The following BACH2 variants were observed in gnomAD, a reference collection of about 807,000 sequenced individuals.
The protein encoded by BACH2 is transcription regulator protein BACH2.
Under a neutral mutation model 61.8 loss-of-function variants are expected in BACH2, and 5 were observed. The observed-to-expected ratio is 0.08, with a 90% CI of 0.04 to 0.17. The LOEUF (loss-of-function observed/expected upper bound fraction) is 0.17, where lower values mean the gene tolerates loss of function less well. Among genes scored for constraint, BACH2 ranks in the 10% least tolerant of loss-of-function variants. The pLI is 1.00. For synonymous variants in BACH2, 446 were observed against 440.1 expected (o/e 1.01, Z -0.17); for missense variants, 824 against 1,091.1 (o/e 0.76, Z 3.45).
rs1301924910 is a variant in BACH2, at chr6:90,010,057, T to C, written c.-12-1201A>G. ...TTTGCTAGAGTAGTAAGAATTCCAG[T>C]AGCGAGTCCTACTTTCTTTTTGGCT... On this transcript the variant is annotated intron_variant, in intron 5 of 8. Coordinates refer to ENST00000257749, the MANE Select transcript of BACH2 (RefSeq NM_021813.4). Among the ~76,000 whole-genome samples, 5 of 152,374 alleles carry C rather than the reference T, an allele frequency of 3.3e-5. No homozygotes were observed. The East Asian group carries it at 5.8e-4, about 18-fold the overall frequency.
chr6:90,261,022 A>G (rs1400273298), intron 2 of BACH2, among the ~76,000 whole-genome samples: 1 of 152,218 alleles, frequency 6.6e-6, no homozygotes, highest in Non-Finnish European at 1.5e-5. Context: ...GTTTAGTACA[A>G]TGCAAGGGTG....
chr6:90,029,045 T>G (rs1355409897), intron 5 of BACH2, among the ~76,000 whole-genome samples: 2 of 152,262 alleles, frequency 1.3e-5, no homozygotes, highest in Non-Finnish European at 2.9e-5. Context: ...CATTTCCAGT[T>G]TGACAATGGC....
At chr6:90,161,232 G>A (rs139977535) in intron 4 of BACH2, among the ~76,000 whole-genome samples, 1 of 151,952 alleles carries the variant, frequency 6.6e-6, no homozygotes, top group East Asian at 1.9e-4. Flanking sequence ...TTAAAGTTTG[G>A]GATTAAAAAA....
chr6:90,270,554 A>C (rs1771485623), intron 2 of BACH2, among the ~76,000 whole-genome samples: 2 of 152,226 alleles, frequency 1.3e-5, no homozygotes, highest in Admixed American at 6.5e-5. Context: ...AAAACTACAA[A>C]ACACTGCTGA....
At chr6:90,210,661 A>G (rs1325663255) in intron 3 of BACH2, among the ~76,000 whole-genome samples, 1 of 152,304 alleles carries the variant, frequency 6.6e-6, no homozygotes, top group East Asian at 1.9e-4. Flanking sequence ...TTATTATTCA[A>G]TGTTTCTTTT....
At chr6:90,151,029 A>C (rs940409333) in intron 4 of BACH2, among the ~76,000 whole-genome samples, 2 of 152,216 alleles carry the variant, frequency 1.3e-5, no homozygotes, top group Non-Finnish European at 1.5e-5. Context: ...AGGTAGAACC[A>C]GGGTCCATCT....
At chr6:90,225,443 G>C (rs1769881091) in intron 3 of BACH2, among the ~76,000 whole-genome samples, 1 of 152,126 alleles carries the variant, frequency 6.6e-6, no homozygotes. Context: ...TTAGTGGGGA[G>C]AGACAGACGA....
At chr6:90,229,502 C>G (rs1770025877) in intron 3 of BACH2, among the ~76,000 whole-genome samples, 1 of 152,090 alleles carries the variant, frequency 6.6e-6, no homozygotes, top group African/African-American at 2.4e-5. Context: ...GGAAGCCAGG[C>G]CATCTGTAGC....
intron 4 of BACH2, among the ~76,000 whole-genome samples, chr6:90,091,507 A>G (rs1782158845): frequency 2.0e-5 from 3 of 152,176 alleles, no homozygotes; most frequent in Admixed American, 2.0e-4. Context: ...AGGTTCTTTT[A>G]GATTTATAGC....
intron 5 of BACH2, among the ~76,000 whole-genome samples, chr6:90,026,340 T>C (rs947866137): frequency 3.9e-5 from 6 of 152,120 alleles, no homozygotes; most frequent in Non-Finnish European, 7.3e-5. Flanking sequence ...TTTCTTAAAT[T>C]AGTTTTGCAA....
chr6:90,254,587 A>G (rs1253377172), intron 2 of BACH2, among the ~76,000 whole-genome samples: 2 of 151,966 alleles, frequency 1.3e-5, no homozygotes, highest in African/African-American at 4.8e-5. Context: ...AAGGACCTAG[A>G]GCAGAAAAAT....
At position 89,951,193 on chromosome 6, in the gene BACH2, C is replaced by T. The variant is rs559078087; in HGVS notation, c.913G>A (p.Gly305Arg). 59 of 1,613,904 alleles carry T rather than the reference C, an allele frequency of 3.7e-5. No individual in the cohort carries two copies. In the Admixed American group the frequency reaches 8.0e-4, roughly 22 times the overall value. ...TGTTTCCGGTCCATCTCGACATCCC[C>T]CGCTCTGTCCTTGGCGTCAGGCTCA... ...GDEPDAKDRA[G>R]DVEMDRKQPS... Residue 305 changes from glycine to arginine, a missense_variant, in exon 7 of 9, where the codon GGG (glycine) becomes AGG (arginine). This residue lies in a region of BACH2 where 226 missense variants were observed against 228.5 expected (regional missense o/e 0.99). Transcript: ENST00000257749. This position sits in a 1 kb window ranked among gnomAD's most constrained non-coding sequence, Gnocchi z 6.4.
chr6:90,051,448 C>T (rs573417000), intron 5 of BACH2, among the ~76,000 whole-genome samples: 2 of 152,284 alleles, frequency 1.3e-5, no homozygotes, highest in South Asian at 4.1e-4. Flanking sequence ...GAGCTCTATC[C>T]ACCCATTTAC....
intron 1 of BACH2, among the ~76,000 whole-genome samples, chr6:90,296,278 T>C (rs536176569): frequency 1.3e-5 from 2 of 151,418 alleles, no homozygotes; most frequent in East Asian, 2.0e-4. Flanking sequence ...CCGGCTCGGC[T>C]CCCACCCCCT....
chr6:90,178,783 G>C (rs577647655), intron 4 of BACH2, among the ~76,000 whole-genome samples: 114 of 152,286 alleles, frequency 7.5e-4, no homozygotes, highest in Non-Finnish European at 9.9e-4. Flanking sequence ...AAAATGCAGA[G>C]GAGCTTGATG....
rs1228974315 is a variant in BACH2, at chr6:89,931,664, C to T, written c.*744G>A. 6.6e-6 allele frequency: 1 copy of T among 152,558 alleles called. No individual in the cohort carries two copies. The highest frequency in any genetic ancestry group is 1.5e-5 in the Non-Finnish European group (1 of 67,996). The allele number at this position is 152,558 out of a possible 1,614,324, so 9.5% of individuals were successfully genotyped here. ...AAACAAACCTACAATGCTCAAATGACACCACTTGGAGGTGCCAAAACCAAA... is the reference window on the plus strand; with the variant it reads ...AAACAAACCTACAATGCTCAAATGATACCACTTGGAGGTGCCAAAACCAAA... On this transcript the variant is annotated 3_prime_UTR_variant, in exon 9 of 9. Coordinates refer to ENST00000257749, the MANE Select transcript of BACH2 (RefSeq NM_021813.4).
chr6:89,978,732 A>G (rs1202998823), intron 6 of BACH2, among the ~76,000 whole-genome samples: 8 of 152,320 alleles, frequency 5.3e-5, no homozygotes, highest in Admixed American at 5.2e-4. Flanking sequence ...TAATGCAAAG[A>G]AAAGTTGAAC....
chr6:90,295,285 C>A (rs1772305432), intron 1 of BACH2, among the ~76,000 whole-genome samples: 1 of 152,118 alleles, frequency 6.6e-6, no homozygotes, highest in Non-Finnish European at 1.5e-5. Context: ...ACCAAACTCG[C>A]CTACGCGCGG....
intron 4 of BACH2, among the ~76,000 whole-genome samples, chr6:90,106,404 G>T (rs1033503405): frequency 6.6e-6 from 1 of 152,128 alleles, no homozygotes; most frequent in African/African-American, 2.4e-5. Context: ...CCTTTTCTAT[G>T]TTTAGATACA....
Sources: gnomAD v4.1 joint callset for allele counts (sites outside exome capture counted in the v4.1 genomes callset) on GRCh38, gnomAD v4.1.1 for gene constraint, gnomAD v4.1.1 regional missense constraint, Gnocchi (gnomAD v3.1) non-coding constraint, MANE v1.5 for transcripts, NCBI Gene and HGNC (gene_info 2026-07-23, HGNC 2026-07-21) for gene names.